Variants in SLC22A17 observed in about 807,000 individuals in gnomAD.
The protein encoded by SLC22A17 is 24p3 receptor.
Under a neutral mutation model 53.6 loss-of-function variants are expected in SLC22A17, and 38 were observed. The ratio of observed to expected loss-of-function variants is 0.71; its 90% CI spans 0.55 to 0.93. The LOEUF (loss-of-function observed/expected upper bound fraction) is 0.93. SLC22A17 is among the 40% of genes least tolerant of loss of function. SLC22A17 has a pLI of 0.00. For missense variants in SLC22A17, 704 were observed against 791.0 expected, an observed-to-expected ratio of 0.89 and a Z score of 1.32; for synonymous variants, 379 against 353.0, an observed-to-expected ratio of 1.07 and a Z score of -0.82.
At position 23,347,471 on chromosome 14, in the gene SLC22A17, T is replaced by C; in HGVS notation, c.1538A>G (p.Asn513Ser). Residue 513 changes from asparagine to serine, a missense_variant, in exon 8 of 10, where the codon AAC (asparagine) becomes AGC (serine). This residue lies in a region of SLC22A17 where 435 missense variants were observed against 529.0 expected (regional missense o/e 0.82). Coordinates refer to ENST00000397267, the Ensembl canonical transcript of SLC22A17. The surrounding 1 kb of genome is among the most constrained non-coding windows in gnomAD (Gnocchi z 5.1). ...CCTGTCTGAAGCACCTCTGTTGGGG[T>C]TCCCTTGTTGAGCCCACACTGTGGG... The C allele has an allele frequency of 6.2e-7, 1 of 1,613,610 alleles. No individual in the cohort carries two copies. The highest frequency in any genetic ancestry group is 8.5e-7 in the Non-Finnish European group (1 of 1,179,782).
Position 23,352,729 on chromosome 14 carries a change from C to G in SLC22A17, c.13G>C (p.Val5Leu), listed in dbSNP as rs1200015507. 7 of 399,038 alleles carry G rather than the reference C, an allele frequency of 1.8e-5. No individual in the cohort carries two copies. The highest frequency in any genetic ancestry group is 4.1e-5 in the African/African-American group (2 of 48,574). The allele number at this position is 399,038 out of a possible 1,614,324, so 24.7% of individuals were successfully genotyped here. ...TTGGGCTCGGGGGTCCCGGTGGCCA[C>G]CCGGGGAGCCAGCTTGCCGACCGCA... The change falls in exon 1 of 10, where the codon GTG becomes CTG. Residue 5 changes from valine to leucine, a missense_variant. Val to Leu is a conservative substitution (Grantham distance 32). Transcript: ENST00000397267. This position sits in a 1 kb window ranked among gnomAD's most constrained non-coding sequence, Gnocchi z 7.2.
chr14:23,352,659 G>A lies in SLC22A17; in HGVS notation c.83C>T (p.Pro28Leu). ...TCGGGCACTTACTCCGTTGGAGGTG[G>A]GGGTGATCTCTACAGTGTTGTCGAT... Residue 28 changes from proline (P) to leucine (L), a missense_variant, in exon 1 of 10, where the codon CCC (proline) becomes CTC (leucine). Physicochemically the swap from Pro to Leu is moderately conservative, Grantham distance 98. Coordinates refer to ENST00000397267, the Ensembl canonical transcript of SLC22A17. This position sits in a 1 kb window ranked among gnomAD's most constrained non-coding sequence, Gnocchi z 7.2. 2.4e-6 allele frequency: 1 copy of A among 409,568 alleles called. No homozygotes were observed. Among genetic ancestry groups the A allele is most frequent in the Non-Finnish European group, 4.3e-6 (1 of 233,908 alleles). The allele number at this position is 409,568 out of a possible 1,614,324, so 25.4% of individuals were successfully genotyped here.
Position 23,352,043 on chromosome 14 carries a change from A to G in SLC22A17, c.505T>C (p.Ser169Pro), listed in dbSNP as rs1276096037. 2 of 1,607,818 alleles carry G rather than the reference A, an allele frequency of 1.2e-6. No homozygotes were observed. Among genetic ancestry groups the G allele is most frequent in the East Asian group, 4.5e-5 (2 of 44,654 alleles). ...TCCGGCGGGGCGAAGCCGCTGCACG[A>G]GGGGTCGGTACTGGTGGCGACACGG... is the stretch of plus-strand genomic sequence containing the variant. The change falls in exon 2 of 10, where the codon TCG (serine) becomes CCG (proline). Residue 169 changes from serine (S) to proline (P), a missense_variant. By Grantham distance (74) the Ser-to-Pro change is moderately conservative (BLOSUM62 -1). This residue lies in a region of SLC22A17 where 435 missense variants were observed against 529.0 expected (regional missense o/e 0.82). Transcript: ENST00000397267. The surrounding 1 kb of genome is among the most constrained non-coding windows in gnomAD (Gnocchi z 7.2).
At chr14:23,349,145 T>C (rs1889449460) in intron 4 of SLC22A17, 127 bp downstream of exon 4, 1 of 1,245,976 alleles carries the variant, frequency 8.0e-7, no homozygotes, top group African/African-American at 1.5e-5. Context: ...CAAGGGGGCC[T>C]GGGCAGAAAG....
exon 2 of SLC22A17, chr14:23,351,954 G>T: frequency 6.2e-7 from 1 of 1,612,708 alleles, no homozygotes; most frequent in Non-Finnish European, 8.5e-7. Flanking sequence ...TCACCTGGCC[G>T]ATGGCGTTGG....
chr14:23,346,714 C>T (rs1347523578), exon 10 of SLC22A17: 9 of 1,545,452 alleles, frequency 5.8e-6, no homozygotes, highest in African/African-American at 4.0e-5. Context: ...GTGGCTGCCG[C>T]AGCAGGGAAG....
At chr14:23,346,537 T>A in exon 10 of SLC22A17, 2 of 1,322,424 alleles carry the variant, frequency 1.5e-6, no homozygotes, top group Non-Finnish European at 2.0e-6. Context: ...ATGGCTGGCG[T>A]GAGGTGCCTC....
chr14:23,351,897 C>G (rs2138520498), intron 2 of SLC22A17, 42 bp from the exon 3 acceptor site: 1 of 1,611,234 alleles, frequency 6.2e-7, no homozygotes, highest in East Asian at 2.2e-5. Flanking sequence ...AGGCCCCGCC[C>G]TCGCCGCTCT....
In SLC22A17 at chr14:23,352,773, G is replaced by T. The variant is rs1169937915; in HGVS notation, c.-32C>A. 1 of 398,800 alleles carries T rather than the reference G, an allele frequency of 2.5e-6. No individual in the cohort carries two copies. The highest frequency in any genetic ancestry group is 4.4e-6 in the Non-Finnish European group (1 of 225,890). 24.7% of individuals were successfully genotyped at this position (398,800 alleles called of 1,614,324 possible). Reference sequence around the variant, plus strand: ...GACCGCAGGGGCCCTGCCGGCCCGCGCCGAAAGGATGCGCTGTCCTCTGGC... The same window carrying T: ...GACCGCAGGGGCCCTGCCGGCCCGCTCCGAAAGGATGCGCTGTCCTCTGGC... On this transcript the variant is annotated 5_prime_UTR_variant, in exon 1 of 10. Coordinates refer to ENST00000397267, the Ensembl canonical transcript of SLC22A17. This position sits in a 1 kb window ranked among gnomAD's most constrained non-coding sequence, Gnocchi z 7.2.
At chr14:23,350,939 T>C (rs1889586198) in intron 3 of SLC22A17, 1 of 152,262 alleles carries the variant, frequency 6.6e-6, no homozygotes, top group Non-Finnish European at 1.5e-5. Context: ...AGTTGAGTTA[T>C]TAATCCACTT....
At position 23,351,870 on chromosome 14, in the gene SLC22A17, A is replaced by G. The variant is rs1304272897; in HGVS notation, c.601-15T>C. 6.2e-7 allele frequency: 1 copy of G among 1,612,548 alleles called. No homozygotes were observed. The highest frequency in any genetic ancestry group is 1.1e-5 in the South Asian group (1 of 91,004). ...ACCAGATCCCACTGGGGATGTGAGA[A>G]GGGTGCAGCGGGCGTGAGGCCCCGC... On this transcript the variant is annotated splice_polypyrimidine_tract_variant and intron_variant, in intron 2 of 9. Coordinates refer to ENST00000397267, the Ensembl canonical transcript of SLC22A17.
chr14:23,347,746 G>T lies in SLC22A17; in HGVS notation c.1278-15C>A. The T allele has an allele frequency of 6.2e-7, 1 of 1,612,532 alleles. No individual in the cohort carries two copies. Among genetic ancestry groups the T allele is most frequent in the Non-Finnish European group, 8.5e-7 (1 of 1,179,074 alleles). On this transcript the variant is annotated splice_polypyrimidine_tract_variant and intron_variant, in intron 7 of 9. Coordinates refer to ENST00000397267, the Ensembl canonical transcript of SLC22A17. The surrounding 1 kb of genome is among the most constrained non-coding windows in gnomAD (Gnocchi z 5.1). Reference sequence around the variant, plus strand: ...GGGCAATGAAGCTGTGAGAAGGGGTGGGGAAGCAACGAACAGAGCCTGAAT... The same window carrying T: ...GGGCAATGAAGCTGTGAGAAGGGGTTGGGAAGCAACGAACAGAGCCTGAAT...
At position 23,348,112 on chromosome 14, in the gene SLC22A17, C is replaced by T. The variant is rs766974208; in HGVS notation, c.1171+49G>A. On this transcript the variant is annotated intron_variant, in intron 6 of 9. Coordinates refer to ENST00000397267, the Ensembl canonical transcript of SLC22A17. The surrounding 1 kb of genome is among the most constrained non-coding windows in gnomAD (Gnocchi z 4.5). The stretch of plus-strand genomic sequence containing the variant: ...ACAGCTACAGCCATGCAGAGGGCAC[C>T]ATCATGTGTGCAAGTGAGGCAACAC... 6 of 1,610,860 alleles carry T rather than the reference C, an allele frequency of 3.7e-6. No homozygotes were observed. The highest frequency in any genetic ancestry group is 2.2e-5 in the East Asian group (1 of 44,852).
At position 23,348,284 on chromosome 14, in the gene SLC22A17, A is replaced by C; in HGVS notation, c.1048T>G (p.Ser350Ala). ...CGCTTCACTATCAGCCACCGTGCGG[A>C]CTCCAGGAACAAACCAGGCCAGCTG... is the stretch of plus-strand genomic sequence containing the variant. The change falls in exon 6 of 10, where the codon TCC becomes GCC. Residue 350 changes from serine to alanine, a missense_variant. Ser to Ala is a moderately conservative substitution (Grantham distance 99, BLOSUM62 1). Transcript: ENST00000397267. This position sits in a 1 kb window ranked among gnomAD's most constrained non-coding sequence, Gnocchi z 4.5. 6.2e-7 allele frequency: 1 copy of C among 1,613,886 alleles called. No individual in the cohort carries two copies. Among genetic ancestry groups the C allele is most frequent in the Non-Finnish European group, 8.5e-7 (1 of 1,179,968 alleles).
intron 3 of SLC22A17, chr14:23,350,995 G>C (rs1472068002): frequency 6.6e-6 from 1 of 152,236 alleles, no homozygotes; most frequent in East Asian, 1.9e-4. Flanking sequence ...CGGAAGTTTA[G>C]TGCAGTGAGA....
Position 23,348,591 on chromosome 14 carries a change from A to G in SLC22A17, c.940T>C (p.Phe314Leu), listed in dbSNP as rs1595008762. 3.7e-6 allele frequency: 6 copies of G among 1,614,094 alleles called. No homozygotes were observed. The East Asian group carries it at 1.1e-4, about 30-fold the overall frequency. The change falls in exon 5 of 10, where the codon TTC (phenylalanine) becomes CTC (leucine). Residue 314 changes from phenylalanine to leucine, a missense_variant. By Grantham distance (22) the Phe-to-Leu change is conservative. Coordinates refer to ENST00000397267, the Ensembl canonical transcript of SLC22A17. This position sits in a 1 kb window ranked among gnomAD's most constrained non-coding sequence, Gnocchi z 4.5. Reference sequence around the variant, plus strand: ...TTAGAGACAAGGGCCAGGCCCAGGAACAGGAAGTGCCCTCCCACCCCCACC... The same window carrying G: ...TTAGAGACAAGGGCCAGGCCCAGGAGCAGGAAGTGCCCTCCCACCCCCACC...
rs1889250224 is a variant in SLC22A17 at position 23,347,005 on chromosome 14, C to G, written c.1662-69G>C. The stretch of plus-strand genomic sequence containing the variant: ...TGCTGGGCCCTTCTCCCGCAGCCCC[C>G]CTCCTCCAGCCCGCAGGCCCTGTCC... On this transcript the variant is annotated intron_variant, in intron 9 of 9. Transcript: ENST00000397267. The surrounding 1 kb of genome is among the most constrained non-coding windows in gnomAD (Gnocchi z 5.1). 4.7e-6 allele frequency: 7 copies of G among 1,498,330 alleles called. No homozygotes were observed. Among genetic ancestry groups the G allele is most frequent in the Non-Finnish European group, 4.5e-6 (5 of 1,123,070 alleles). The allele number at this position is 1,498,330 out of a possible 1,614,324, so 92.8% of individuals were successfully genotyped here.
At position 23,347,017 on chromosome 14, in the gene SLC22A17, C is replaced by G; in HGVS notation, c.1662-81G>C. 6.6e-7 allele frequency: 1 copy of G among 1,507,668 alleles called. No homozygotes were observed. Among genetic ancestry groups the G allele is most frequent in the Admixed American group, 2.2e-5 (1 of 46,118 alleles). The allele number at this position is 1,507,668 out of a possible 1,614,324, so 93.4% of individuals were successfully genotyped here. On this transcript the variant is annotated intron_variant, in intron 9 of 9. Coordinates refer to ENST00000397267, the Ensembl canonical transcript of SLC22A17. This position sits in a 1 kb window ranked among gnomAD's most constrained non-coding sequence, Gnocchi z 5.1. ...CTCCCGCAGCCCCCCTCCTCCAGCC[C>G]GCAGGCCCTGTCCTCAGGGGTGGGG...
Position 23,348,843 on chromosome 14 carries a change from G to C in SLC22A17, c.860-172C>G, listed in dbSNP as rs1031734848. 2 of 689,274 alleles carry C rather than the reference G, an allele frequency of 2.9e-6. No individual in the cohort carries two copies. Among genetic ancestry groups the C allele is most frequent in the South Asian group, 2.0e-5 (1 of 51,038 alleles). 42.7% of individuals were successfully genotyped at this position (689,274 alleles called of 1,614,324 possible). On this transcript the variant is annotated intron_variant, in intron 4 of 9. Transcript: ENST00000397267. This position sits in a 1 kb window ranked among gnomAD's most constrained non-coding sequence, Gnocchi z 4.5. Reference sequence around the variant, plus strand: ...CTGGGTGGCAAGGACTGGGGAGACTGTTCAGCCCTCTCTCCTCTCCTGCTC... The same window carrying C: ...CTGGGTGGCAAGGACTGGGGAGACTCTTCAGCCCTCTCTCCTCTCCTGCTC...
Sources: gnomAD v4.1 joint callset for allele counts on GRCh38, gnomAD v4.1.1 for gene constraint, gnomAD v4.1.1 regional missense constraint, Gnocchi (gnomAD v3.1) non-coding constraint, MANE v1.5 for transcripts, NCBI Gene and HGNC (gene_info 2026-07-23, HGNC 2026-07-21) for gene names.